Variants in MED12L observed in about 807,000 individuals in gnomAD.
MED12L encodes the protein mediator of RNA polymerase II transcription subunit 12-like protein.
Under a neutral mutation model 281.3 loss-of-function variants are expected in MED12L, and 60 were observed. The ratio of observed to expected loss-of-function variants is 0.21; its 90% CI spans 0.17 to 0.26. MED12L has a LOEUF of 0.26. Ranked by LOEUF, MED12L falls within the 10% of genes least tolerant of loss-of-function variation. The pLI, the probability that MED12L is intolerant of heterozygous loss-of-function variation, is 1.00. For missense variants in MED12L, 2,146 were observed against 2,680.9 expected (o/e 0.80, Z 4.41); for synonymous variants, 974 against 987.2 (o/e 0.99, Z 0.25).
rs143231700 is a variant in MED12L at position 151,268,750 on chromosome 3, T to C, written c.2250+75084T>C. 2.0e-5 allele frequency among the ~76,000 whole-genome samples: 3 copies of C among 152,296 alleles called. No homozygotes were observed. In the East Asian group the frequency reaches 5.8e-4, roughly 29 times the overall value. ...CAGTGTTTACAAAGCACTTGTTCTC[T>C]GCAGAGAGCTACTAACAGATGAAAT... On this transcript the variant is annotated intron_variant, in intron 16 of 44. Transcript: ENST00000687756.
chr3:151,355,831 A>T, intron 18 of MED12L, 65 bp from the exon 19 acceptor site: 2 of 1,418,582 alleles, frequency 1.4e-6, no homozygotes, highest in Non-Finnish European at 1.9e-6. Context: ...AGTAAAAATG[A>T]TTTATCTTAG....
intron 33 of MED12L, among the ~76,000 whole-genome samples, chr3:151,383,538 CCACATTCAGATACT>C (rs1479099978): frequency 2.0e-5 from 3 of 152,090 alleles, no homozygotes; most frequent in Non-Finnish European, 4.4e-5. Context: ...TTATTGGTGC[CCACATTCAGATACT>C]CACGTCCCTT....
At chr3:151,289,299 G>T (rs1413238611) in intron 16 of MED12L, among the ~76,000 whole-genome samples, 1 of 152,172 alleles carries the variant, frequency 6.6e-6, no homozygotes, top group Non-Finnish European at 1.5e-5. Context: ...AATATTTCAT[G>T]ACGTAGAAAG....
chr3:151,376,040 G>A lies in MED12L; in HGVS notation c.3879G>A (p.Glu1293=). The change falls in exon 28 of 45, where the codon GAG becomes GAA. Residue 1293 remains glutamate (E), a synonymous_variant. Transcript: ENST00000687756. ...ATTATTTTTAGGAATGGGTAGGAGA[G>A]CATTGCTTAAAAGAACCTGAAAGAT... The part of the protein sequence containing the change: ...RTICQQEWVG[E]HCLKEPERLC... 1 of 1,585,708 alleles carries A rather than the reference G, an allele frequency of 6.3e-7. No individual in the cohort carries two copies. The highest frequency in any genetic ancestry group is 8.6e-7 in the Non-Finnish European group (1 of 1,168,222).
chr3:151,200,417 T>A (rs188316479), intron 16 of MED12L, among the ~76,000 whole-genome samples: 167 of 152,386 alleles, frequency 1.1e-3, no homozygotes, highest in Non-Finnish European at 1.7e-3. Flanking sequence ...ATTATTTTTG[T>A]ATTTTAGCAA....
chr3:151,306,400 C>T (rs1015138484), intron 16 of MED12L, among the ~76,000 whole-genome samples: 8 of 152,194 alleles, frequency 5.3e-5, no homozygotes, highest in Non-Finnish European at 1.0e-4. Context: ...AGTGAAAACC[C>T]TACTGATTGT....
Position 151,395,771 on chromosome 3 carries a change from T to C in MED12L, c.5820+904T>C, listed in dbSNP as rs77960961. ...GATCCTCACATGGAAATAGCGAATC[T>C]ACAGGTACATCCTGCTCTAAGAATA... On this transcript the variant is annotated intron_variant, in intron 39 of 44. Coordinates refer to ENST00000687756, the MANE Select transcript of MED12L (RefSeq NM_001393769.1). Among the ~76,000 whole-genome samples, 662 of 152,358 alleles carry C rather than the reference T, an allele frequency of 4.3e-3. 9 individuals are homozygous for C. Among genetic ancestry groups the C allele is most frequent in the East Asian group, 0.031 (163 of 5,194 alleles).
At chr3:151,181,851 TG>T (rs1434933975) in intron 11 of MED12L, among the ~76,000 whole-genome samples, 13 of 152,052 alleles carry the variant, frequency 8.5e-5, no homozygotes, top group African/African-American at 2.9e-4. Context: ...TCCTGAAGTG[TG>T]GGATTATAGG....
chr3:151,304,973 G>A (rs536123943), intron 16 of MED12L, among the ~76,000 whole-genome samples: 1 of 152,260 alleles, frequency 6.6e-6, no homozygotes, highest in Non-Finnish European at 1.5e-5. Flanking sequence ...TGTGTGGCTG[G>A]TGGCCTCAGC....
chr3:151,300,107 G>A, intron 16 of MED12L: 1 of 1,601,978 alleles, frequency 6.2e-7, no homozygotes, highest in Non-Finnish European at 8.6e-7. Flanking sequence ...CCATTCTTCA[G>A]TTGTGATGCA....
chr3:151,355,848 A>G (rs768072012), intron 18 of MED12L, 48 bp from the exon 19 acceptor site: 27 of 1,496,744 alleles, frequency 1.8e-5, no homozygotes, highest in Middle Eastern at 1.8e-4. Context: ...TTAGTAAAAG[A>G]TTATTTAGAA....
chr3:151,227,665 A>G (rs911851070), intron 16 of MED12L, among the ~76,000 whole-genome samples: 3 of 152,216 alleles, frequency 2.0e-5, no homozygotes, highest in African/African-American at 7.2e-5. Context: ...ATACATAGTC[A>G]TGCAGTCTTC....
At chr3:151,096,109 A>G (rs544044606) in intron 2 of MED12L, among the ~76,000 whole-genome samples, 1 of 152,300 alleles carries the variant, frequency 6.6e-6, no homozygotes, top group Admixed American at 6.5e-5. Flanking sequence ...ATCTGGGGCA[A>G]CCATCTTATG....
intron 17 of MED12L, among the ~76,000 whole-genome samples, chr3:151,351,248 C>A (rs116643065): frequency 6.6e-6 from 1 of 152,062 alleles, no homozygotes; most frequent in African/African-American, 2.4e-5. Context: ...TCTTTCTTCC[C>A]GGTCAATCAT....
intron 16 of MED12L, among the ~76,000 whole-genome samples, chr3:151,259,290 A>G (rs1028287060): frequency 6.6e-6 from 1 of 152,168 alleles, no homozygotes; most frequent in African/African-American, 2.4e-5. Flanking sequence ...CTTTTGAACT[A>G]TGCTATATTT....
At chr3:151,421,853 C>T (rs1336340954) in intron 43 of MED12L, among the ~76,000 whole-genome samples, 1 of 152,046 alleles carries the variant, frequency 6.6e-6, no homozygotes, top group East Asian at 1.9e-4. Context: ...CTAGCCAAAG[C>T]TCTTCATTCT....
At chr3:151,317,538 C>T (rs1379656852) in intron 16 of MED12L, among the ~76,000 whole-genome samples, 3 of 143,596 alleles carry the variant, frequency 2.1e-5, no homozygotes, top group Non-Finnish European at 4.5e-5. Flanking sequence ...GCAACCTCCA[C>T]CTCCCGGATT....
intron 16 of MED12L, chr3:151,198,343 T>TTG (rs199947625): frequency 0.024 from 10,730 of 451,140 alleles, 17 homozygotes; most frequent in South Asian, 0.047. Context: ...TTTTTTTTTG[T>TTG]TTTTTTTTTT....
chr3:151,370,191 A>G lies in MED12L; in HGVS notation c.3664+642A>G, dbSNP rs938272650. On this transcript the variant is annotated intron_variant, in intron 26 of 44. Transcript: ENST00000687756. ...ATAGCACTGCCTTTTCTCTTCATTT[A>G]CAGGGTAATACATTAAAACATTATT... Among the ~76,000 whole-genome samples the G allele has an allele frequency of 4.6e-5, 7 of 152,306 alleles. No homozygotes were observed. The East Asian group carries it at 1.2e-3, about 25-fold the overall frequency.
Sources: allele counts gnomAD v4.1 joint callset (sites outside exome capture counted in the v4.1 genomes callset), GRCh38; gene constraint gnomAD v4.1.1; transcripts MANE v1.5; gene names NCBI Gene and HGNC (gene_info 2026-07-23, HGNC 2026-07-21).